The following LRP1B variants were observed in gnomAD, a reference collection of about 807,000 sequenced individuals.
LRP1B encodes the protein LDL receptor related protein 1B, also known as low-density lipoprotein receptor-related protein 1B.
Under a neutral mutation model 556.6 loss-of-function variants are expected in LRP1B, and 217 were observed. That is an observed-to-expected ratio of 0.39 (90% CI 0.35 to 0.44). The LOEUF (loss-of-function observed/expected upper bound fraction) is 0.44. Among genes scored for constraint, LRP1B ranks in the 20% least tolerant of loss-of-function variants. The pLI is 1.00. For synonymous variants in LRP1B, 2,047 were observed against 1,865.8 expected (o/e 1.10, Z -2.50); for missense variants, 5,053 against 5,620.8 (o/e 0.90, Z 3.23).
At chr2:140,969,975 T>C (rs183224869) in intron 18 of LRP1B, among the ~76,000 whole-genome samples, 1 of 152,280 alleles carries the variant, frequency 6.6e-6, no homozygotes, top group East Asian at 1.9e-4. Flanking sequence ...TCATTTCAAC[T>C]TTGGTGAATC....
intron 11 of LRP1B, among the ~76,000 whole-genome samples, chr2:141,043,980 G>A (rs984271058): frequency 3.3e-5 from 5 of 151,980 alleles, no homozygotes; most frequent in African/African-American, 1.2e-4. Context: ...TAAGCCAAAG[G>A]AACAAAGGTG....
At chr2:140,957,747 A>G (rs1293177698) in intron 18 of LRP1B, among the ~76,000 whole-genome samples, 1 of 151,558 alleles carries the variant, frequency 6.6e-6, no homozygotes, top group Non-Finnish European at 1.5e-5. Flanking sequence ...TCTGTAATCT[A>G]TCTAGATGCC....
intron 3 of LRP1B, among the ~76,000 whole-genome samples, chr2:141,269,249 A>C (rs2105365637): frequency 6.6e-6 from 1 of 152,308 alleles, no homozygotes; most frequent in East Asian, 1.9e-4. Context: ...TAGCAAGGTA[A>C]AATTCAGGAC....
intron 1 of LRP1B, among the ~76,000 whole-genome samples, chr2:141,936,154 A>T (rs1458247302): frequency 2.0e-5 from 3 of 152,200 alleles, no homozygotes; most frequent in African/African-American, 7.2e-5. Context: ...GTATAAGATC[A>T]GACACAAGAT....
At chr2:141,820,418 A>C (rs1244462364) in intron 1 of LRP1B, among the ~76,000 whole-genome samples, 2 of 152,212 alleles carry the variant, frequency 1.3e-5, no homozygotes, top group African/African-American at 4.8e-5. Context: ...CGTTTTGCAA[A>C]GAAAATAGAT....
At chr2:140,881,803 G>T (rs1341711048) in intron 25 of LRP1B, among the ~76,000 whole-genome samples, 1 of 152,088 alleles carries the variant, frequency 6.6e-6, no homozygotes, top group Non-Finnish European at 1.5e-5. Flanking sequence ...ACTCTTCGAG[G>T]ATATTTCACA....
In LRP1B at chr2:140,825,549, C is replaced by T. The variant is rs537028166; in HGVS notation, c.5210-11743G>A. ...CATCGGGATGTAAACATTGCAAAGC[C>T]AGTATTACATAAAGTCCTCTGTATC... On this transcript the variant is annotated intron_variant, in intron 31 of 90. Coordinates refer to ENST00000389484, the MANE Select transcript of LRP1B (RefSeq NM_018557.3). Among the ~76,000 whole-genome samples the T allele has an allele frequency of 3.9e-5, 6 of 152,156 alleles. No homozygotes were observed. In the South Asian group the frequency reaches 1.2e-3, roughly 32 times the overall value.
intron 2 of LRP1B, among the ~76,000 whole-genome samples, chr2:141,618,901 T>G (rs1427818975): frequency 6.6e-6 from 1 of 152,306 alleles, no homozygotes; most frequent in Admixed American, 6.5e-5. Flanking sequence ...TAATTTGAAC[T>G]AAGATAAAGA....
chr2:141,929,507 C>T (rs1279432250), intron 1 of LRP1B, among the ~76,000 whole-genome samples: 1 of 151,852 alleles, frequency 6.6e-6, no homozygotes, highest in Non-Finnish European at 1.5e-5. Flanking sequence ...ACAACCACAA[C>T]ATCGTAGGTA....
In LRP1B at chr2:140,234,770, A is replaced by G. The variant is rs769959370; in HGVS notation, c.13659+16T>C. 3 of 771,986 alleles carry G rather than the reference A, an allele frequency of 3.9e-6. No individual in the cohort carries two copies. Among genetic ancestry groups the G allele is most frequent in the South Asian group, 2.7e-5 (2 of 73,884 alleles). 47.8% of individuals were successfully genotyped at this position (771,986 alleles called of 1,614,324 possible). On this transcript the variant is annotated intron_variant, in intron 90 of 90. Transcript: ENST00000389484. Reference sequence around the variant, plus strand: ...GTGATGAAACGGACATGAAATAACGAATATTCTTCTCTCACCCCAGCAGTT... The same window carrying G: ...GTGATGAAACGGACATGAAATAACGGATATTCTTCTCTCACCCCAGCAGTT...
intron 2 of LRP1B, among the ~76,000 whole-genome samples, chr2:141,644,388 C>T (rs1221547194): frequency 6.6e-6 from 1 of 151,978 alleles, no homozygotes; most frequent in East Asian, 1.9e-4. Flanking sequence ...TGCCTTTTGC[C>T]TTCCGCCATG....
intron 79 of LRP1B, among the ~76,000 whole-genome samples, chr2:140,328,631 A>AAGAT (rs781287630): frequency 4.7e-4 from 72 of 152,190 alleles, no homozygotes; most frequent in African/African-American, 1.6e-3. Context: ...CAAAATTTGT[A>AAGAT]AGATAGTAAT....
chr2:140,258,996 TTCA>T (rs1173495571), intron 86 of LRP1B, among the ~76,000 whole-genome samples: 2 of 152,144 alleles, frequency 1.3e-5, no homozygotes, highest in Non-Finnish European at 2.9e-5. Flanking sequence ...GCTGTGACAC[TTCA>T]TATTTCAAAT....
At chr2:140,684,073 A>T (rs1685961452) in intron 41 of LRP1B, among the ~76,000 whole-genome samples, 1 of 152,216 alleles carries the variant, frequency 6.6e-6, no homozygotes, top group Non-Finnish European at 1.5e-5. Context: ...TATTTTAATA[A>T]TACCAATGAG....
intron 3 of LRP1B, among the ~76,000 whole-genome samples, chr2:141,454,875 G>A (rs1412797495): frequency 6.6e-6 from 1 of 152,150 alleles, no homozygotes; most frequent in Non-Finnish European, 1.5e-5. Flanking sequence ...TATCATTACT[G>A]AGGAATACTC....
chr2:141,609,681 T>C (rs2105320208), intron 2 of LRP1B, among the ~76,000 whole-genome samples: 2 of 152,314 alleles, frequency 1.3e-5, no homozygotes, highest in Admixed American at 1.3e-4. Context: ...GGCACTCTAG[T>C]GCTTTTGTCA....
At chr2:141,454,625 A>G (rs1331131873) in intron 3 of LRP1B, among the ~76,000 whole-genome samples, 1 of 75,056 alleles carries the variant, frequency 1.3e-5, no homozygotes, top group Non-Finnish European at 2.7e-5. Context: ...ATTTACTAAT[A>G]TCTTTGCTCA....
At position 141,254,502 on chromosome 2, in the gene LRP1B, G is replaced by A. The variant is rs145997547; in HGVS notation, c.463+20C>T. ...AAGCCTCTATAAACAAAATTTGATG[G>A]CGTTATATGTTTTACTTACCTTTAC... On this transcript the variant is annotated intron_variant, in intron 4 of 90. Transcript: ENST00000389484. 1,212 of 1,609,750 alleles carry A rather than the reference G, an allele frequency of 7.5e-4. 5 individuals are homozygous for A. In the African/African-American group the frequency reaches 0.013, roughly 18 times the overall value.
chr2:142,000,489 A>G (rs1702622011), intron 1 of LRP1B, among the ~76,000 whole-genome samples: 1 of 152,174 alleles, frequency 6.6e-6, no homozygotes, highest in South Asian at 2.1e-4. Flanking sequence ...AATTTCAAAG[A>G]ACTATACAAA....
Sources: gnomAD v4.1 joint callset for allele counts (sites outside exome capture counted in the v4.1 genomes callset) on GRCh38, gnomAD v4.1.1 for gene constraint, MANE v1.5 for transcripts, NCBI Gene and HGNC (gene_info 2026-07-23, HGNC 2026-07-21) for gene names.